EDC3: variants seen among roughly 807,000 people sequenced by gnomAD.
The protein encoded by EDC3 is enhancer of mRNA-decapping protein 3.
A neutral mutation model predicts 41.8 loss-of-function variants in EDC3; 20 were observed. That is an observed-to-expected ratio of 0.48 (90% CI 0.34 to 0.70). The LOEUF (loss-of-function observed/expected upper bound fraction) is 0.70, where lower values mean the gene tolerates loss of function less well. EDC3 is among the 30% of genes least tolerant of loss of function. The pLI, the probability that EDC3 is intolerant of heterozygous loss-of-function variation, is 0.01. For synonymous variants in EDC3, 206 were observed against 243.2 expected (o/e 0.85, Z 1.42); for missense variants, 444 against 636.8 (o/e 0.70, Z 3.26).
At position 74,682,271 on chromosome 15, in the gene EDC3, G is replaced by A. The variant is rs934755628; in HGVS notation, c.-18-7129C>T. Among the ~76,000 whole-genome samples, 13 of 151,978 alleles carry A rather than the reference G, an allele frequency of 8.6e-5. No individual in the cohort carries two copies. In the East Asian group the frequency reaches 1.5e-3, roughly 18 times the overall value. On this transcript the variant is annotated intron_variant, in intron 1 of 6. Transcript: ENST00000315127. ...TGGGAGGCGCAGGTTGCAGTGAGCC[G>A]TGATCCCACCACTGCACTCTAGCCT...
chr15:74,652,166 T>C (rs1315763594), intron 4 of EDC3, among the ~76,000 whole-genome samples: 1 of 152,154 alleles, frequency 6.6e-6, no homozygotes, highest in East Asian at 1.9e-4. Context: ...GTCTAACCAT[T>C]GTAAGTTGGA....
At chr15:74,650,656 C>T (rs2062469923) in intron 4 of EDC3, among the ~76,000 whole-genome samples, 1 of 152,146 alleles carries the variant, frequency 6.6e-6, no homozygotes, top group Non-Finnish European at 1.5e-5. Flanking sequence ...ATAATAAACA[C>T]AGTGTTTTGA....
chr15:74,668,621 G>A (rs891329333), intron 3 of EDC3, among the ~76,000 whole-genome samples: 2 of 152,116 alleles, frequency 1.3e-5, no homozygotes, highest in African/African-American at 4.8e-5. Context: ...TCAGGAGGCT[G>A]AGGTGGGAGG....
chr15:74,640,438 G>A, intron 5 of EDC3, 28 bp downstream of exon 5: 1 of 1,611,024 alleles, frequency 6.2e-7, no homozygotes. Context: ...ACTCCACATT[G>A]AGTCCCTGCC....
intron 3 of EDC3, among the ~76,000 whole-genome samples, chr15:74,669,464 A>T (rs2062714694): frequency 6.6e-6 from 1 of 151,804 alleles, no homozygotes; most frequent in South Asian, 2.1e-4. Context: ...GTGAGCCAAG[A>T]TCACACCACT....
chr15:74,671,727 C>T lies in EDC3; in HGVS notation c.212G>A (p.Gly71Glu). 6.2e-7 allele frequency: 1 copy of T among 1,614,132 alleles called. No individual in the cohort carries two copies. Among genetic ancestry groups the T allele is most frequent in the Non-Finnish European group, 8.5e-7 (1 of 1,180,032 alleles). Residue 71 changes from glycine (G) to glutamate (E), a missense_variant, in exon 3 of 7, where the codon GGA becomes GAA. Gly to Glu is a moderately conservative substitution (Grantham distance 98). Around this residue, in one of 3 missense-constraint regions of EDC3, gnomAD observed 200 missense variants for 244.0 expected, o/e 0.82. Coordinates refer to ENST00000315127, the MANE Select transcript of EDC3 (RefSeq NM_025083.5). The surrounding 1 kb of genome is among the most constrained non-coding windows in gnomAD (Gnocchi z 4.6). ...AAGGTCTCCAAAATGTTGGTTGTCT[C>T]CAGGTCCTGGTATCTCCAGAATTTT... The part of the protein sequence containing the change: ...ELKILEIPGP[G>E]DNQHFGDLHQ...
chr15:74,670,352 A>C (rs1241031164), intron 3 of EDC3, among the ~76,000 whole-genome samples: 1 of 152,204 alleles, frequency 6.6e-6, no homozygotes, highest in African/African-American at 2.4e-5. Flanking sequence ...TTGGAGAAGA[A>C]CAGTTCTAGT....
At chr15:74,676,202 C>T (rs990391400) in intron 1 of EDC3, among the ~76,000 whole-genome samples, 3 of 152,042 alleles carry the variant, frequency 2.0e-5, no homozygotes, top group African/African-American at 4.8e-5. Context: ...AGTTCTAACT[C>T]AACGATAATG....
At chr15:74,672,207 T>G (rs1448619359) in intron 2 of EDC3, among the ~76,000 whole-genome samples, 9 of 144,060 alleles carry the variant, frequency 6.2e-5, no homozygotes, top group Admixed American at 5.7e-4. Flanking sequence ...AGGCGGAGCT[T>G]GCAGTGAGCC....
intron 4 of EDC3, among the ~76,000 whole-genome samples, chr15:74,647,191 G>A (rs1362529172): frequency 6.6e-6 from 1 of 152,038 alleles, no homozygotes; most frequent in Non-Finnish European, 1.5e-5. Flanking sequence ...TATATTTTTA[G>A]TAGAGACAGG....
At chr15:74,672,192 C>A (rs1292379362) in intron 2 of EDC3, among the ~76,000 whole-genome samples, 2 of 149,308 alleles carry the variant, frequency 1.3e-5, no homozygotes, top group Non-Finnish European at 3.0e-5. Flanking sequence ...TGGCGTGAAC[C>A]CGGGAGGCGG....
chr15:74,681,335 T>A (rs2141669162), intron 1 of EDC3, among the ~76,000 whole-genome samples: 1 of 152,178 alleles, frequency 6.6e-6, no homozygotes, highest in East Asian at 1.9e-4. Flanking sequence ...GTATTTTTAG[T>A]AGAGACAGGG....
At chr15:74,644,730 T>G (rs2062393691) in intron 4 of EDC3, 1 of 151,978 alleles carries the variant, frequency 6.6e-6, no homozygotes, top group Non-Finnish European at 1.5e-5. Context: ...ACCAGCCCCA[T>G]GTCCACAGTG....
chr15:74,633,962 C>A (rs1325745490), intron 6 of EDC3, among the ~76,000 whole-genome samples: 1 of 152,184 alleles, frequency 6.6e-6, no homozygotes, highest in Non-Finnish European at 1.5e-5. Flanking sequence ...CCCACAGGAG[C>A]CTGGCCCGAG....
intron 4 of EDC3, among the ~76,000 whole-genome samples, chr15:74,651,633 T>A (rs2062481594): frequency 6.6e-6 from 1 of 152,172 alleles, no homozygotes; most frequent in Non-Finnish European, 1.5e-5. Flanking sequence ...ATGTTGTTCT[T>A]TTGCTACCAT....
chr15:74,674,754 C>G, intron 2 of EDC3: 1 of 581,086 alleles, frequency 1.7e-6, no homozygotes, highest in African/African-American at 1.9e-5. Context: ...GTGGTTCACA[C>G]CTGAAATCCC....
At chr15:74,633,993 G>A (rs995253472) in intron 6 of EDC3, among the ~76,000 whole-genome samples, 1 of 152,136 alleles carries the variant, frequency 6.6e-6, no homozygotes, top group Admixed American at 6.5e-5. Context: ...TGAAGTTTCT[G>A]GTCCAGGCTT....
chr15:74,663,869 CA>C (rs1393944058), intron 3 of EDC3, among the ~76,000 whole-genome samples: 1 of 152,168 alleles, frequency 6.6e-6, no homozygotes, highest in Non-Finnish European at 1.5e-5. Context: ...ACAGGGTCCA[CA>C]GTGGGAGACG....
At chr15:74,680,260 C>CAAAAAAAAAAA (rs34873831) in intron 1 of EDC3, among the ~76,000 whole-genome samples, 2 of 64,284 alleles carry the variant, frequency 3.1e-5, no homozygotes, top group Non-Finnish European at 5.5e-5. Flanking sequence ...GACTCCATCT[C>CAAAAAAAAAAA]AAAAAAAAAA....
Sources: gnomAD v4.1 joint callset for allele counts (sites outside exome capture counted in the v4.1 genomes callset) on GRCh38, gnomAD v4.1.1 for gene constraint, gnomAD v4.1.1 regional missense constraint, Gnocchi (gnomAD v3.1) non-coding constraint, MANE v1.5 for transcripts, NCBI Gene and HGNC (gene_info 2026-07-23, HGNC 2026-07-21) for gene names.